The following DPF3 variants were observed in gnomAD, a reference collection of about 807,000 sequenced individuals.
The protein encoded by DPF3 is double PHD fingers 3.
DPF3 carries 18 observed loss-of-function variants against 56.8 expected under a neutral mutation model. The observed-to-expected ratio is 0.32, with a 90% CI of 0.22 to 0.47. The LOEUF (loss-of-function observed/expected upper bound fraction) is 0.47. Ranked by LOEUF, DPF3 falls within the 20% of genes least tolerant of loss-of-function variation. The pLI is 1.00. For missense variants in DPF3, 403 were observed against 488.8 expected, an observed-to-expected ratio of 0.82 and a Z score of 1.65; for synonymous variants, 188 against 180.2, an observed-to-expected ratio of 1.04 and a Z score of -0.35.
intron 1 of DPF3, among the ~76,000 whole-genome samples, chr14:72,810,850 A>C (rs1883014453): frequency 6.6e-6 from 1 of 152,232 alleles, no homozygotes; most frequent in Non-Finnish European, 1.5e-5. Context: ...ATGAAGTCAC[A>C]CTGGAATAGA....
At chr14:72,723,833 A>G (rs2286840) in intron 4 of DPF3, 105 bp from the exon 5 acceptor site, 1 of 1,175,828 alleles carries the variant, frequency 8.5e-7, no homozygotes, top group African/African-American at 1.6e-5. Flanking sequence ...ATTTTTTAAC[A>G]AAGTGAAGAC....
intron 7 of DPF3, among the ~76,000 whole-genome samples, chr14:72,682,325 G>A (rs1887199545): frequency 1.3e-5 from 2 of 152,000 alleles, no homozygotes; most frequent in African/African-American, 4.8e-5. Context: ...CCAGTGTTTG[G>A]TGATATGGGT....
At position 72,612,866 on chromosome 14, in the gene DPF3, G is replaced by A. The variant is rs911015299; in HGVS notation, c.*6431C>T. On this transcript the variant is annotated 3_prime_UTR_variant, in exon 11 of 11. Transcript: ENST00000556509. ...CCTTTGCAACCCTGGTGGCTGTGCA[G>A]AGGCTGAGAGCTGGAGGAGCAGGAC... 1.3e-5 allele frequency among the ~76,000 whole-genome samples: 2 copies of A among 152,222 alleles called. No homozygotes were observed. Among genetic ancestry groups the A allele is most frequent in the Non-Finnish European group, 2.9e-5 (2 of 68,040 alleles).
intron 1 of DPF3, among the ~76,000 whole-genome samples, chr14:72,827,769 T>TGC: frequency 6.6e-6 from 1 of 152,092 alleles, no homozygotes; most frequent in Non-Finnish European, 1.5e-5. Flanking sequence ...TGTGAGCCAC[T>TGC]GCGCCTGGCC....
At chr14:72,670,623 C>T (rs1024780700) in intron 8 of DPF3, 67 of 987,496 alleles carry the variant, frequency 6.8e-5, no homozygotes, top group Non-Finnish European at 7.7e-5. Context: ...GCTTCGATTT[C>T]TTTGATTTCC....
At position 72,609,369 on chromosome 14, in the gene DPF3, C is replaced by T. The variant is rs1000533132; in HGVS notation, c.*9928G>A. On this transcript the variant is annotated 3_prime_UTR_variant, in exon 11 of 11. Transcript: ENST00000556509. ...AGTCTTCTGAATGAAGAGTGAGTCC[C>T]GGGTCAGGAGTCCACATCAGGTGTG... Among the ~76,000 whole-genome samples, 1 of 152,136 alleles carries T rather than the reference C, an allele frequency of 6.6e-6. No individual in the cohort carries two copies. The highest frequency in any genetic ancestry group is 2.4e-5 in the African/African-American group (1 of 41,422).
chr14:72,839,182 A>G (rs1884447416), intron 1 of DPF3, among the ~76,000 whole-genome samples: 2 of 151,850 alleles, frequency 1.3e-5, no homozygotes, highest in African/African-American at 4.8e-5. Context: ...CAGCCTCCCA[A>G]AGAGCTGGGA....
intron 1 of DPF3, among the ~76,000 whole-genome samples, chr14:72,820,270 T>C (rs1206455851): frequency 1.3e-5 from 2 of 152,106 alleles, no homozygotes; most frequent in African/African-American, 4.8e-5. Context: ...TGCAAATTGA[T>C]ATAAAAAGCA....
intron 8 of DPF3, among the ~76,000 whole-genome samples, chr14:72,673,858 G>C (rs1415589880): frequency 1.3e-5 from 2 of 152,132 alleles, no homozygotes; most frequent in Non-Finnish European, 2.9e-5. Context: ...GTTTGCCCTA[G>C]GCACTTCCAC....
At chr14:72,678,056 T>G (rs1886993882) in intron 7 of DPF3, among the ~76,000 whole-genome samples, 1 of 152,236 alleles carries the variant, frequency 6.6e-6, no homozygotes, top group Non-Finnish European at 1.5e-5. Flanking sequence ...TTATATATGT[T>G]ATTTCATTGA....
chr14:72,674,513 C>A, intron 7 of DPF3, 145 bp from the exon 8 acceptor site: 1 of 1,211,048 alleles, frequency 8.3e-7, no homozygotes, highest in Non-Finnish European at 1.1e-6. Context: ...GCTACGCTTT[C>A]TTTTGGATCC....
chr14:72,633,551 A>C (rs148880627), intron 8 of DPF3, among the ~76,000 whole-genome samples: 3 of 152,314 alleles, frequency 2.0e-5, no homozygotes, highest in African/African-American at 7.2e-5. Context: ...AACCAAAAGA[A>C]GAGGTTTCAA....
rs1440578618 is a variant in DPF3, at chr14:72,804,181, A to G, written c.33-32288T>C. Among the ~76,000 whole-genome samples, 6 of 40,436 alleles carry G rather than the reference A, an allele frequency of 1.5e-4. No individual in the cohort carries two copies. The African/African-American group carries it at 2.1e-3, about 14-fold the overall frequency. 26.5% of individuals were successfully genotyped at this position (40,436 alleles called of 152,430 possible). A position where few individuals can be genotyped will look rare whatever the true frequency, so the allele number is the denominator to read the frequency against. On this transcript the variant is annotated intron_variant, in intron 1 of 10. Transcript: ENST00000556509. Reference sequence around the variant, plus strand: ...TCAAGATCCAGCACTGCTTTCCAGGACACACACACACACACACACACACAC... The same window carrying G: ...TCAAGATCCAGCACTGCTTTCCAGGGCACACACACACACACACACACACAC...
At chr14:72,746,911 C>T (rs929369685) in intron 3 of DPF3, among the ~76,000 whole-genome samples, 2 of 152,246 alleles carry the variant, frequency 1.3e-5, no homozygotes, top group African/African-American at 2.4e-5. Context: ...CATGTTACGG[C>T]AGGCCCGACA....
intron 6 of DPF3, among the ~76,000 whole-genome samples, chr14:72,705,998 A>ATTCAC (rs777017296): frequency 6.6e-6 from 1 of 152,198 alleles, no homozygotes; most frequent in Non-Finnish European, 1.5e-5. Context: ...TCTAGCATTT[A>ATTCAC]TTCACTATGT....
rs1487324297 is a variant in DPF3, at chr14:72,838,898, C to CATATATATATATATATATATATAT, written c.32+55158_32+55159insATATATATATATATATATATATAT. Reference sequence around the variant, plus strand: ...GCAAATTATCTATCATATATATTATCATATATATTCTTTTTTTTTTTTTTT... The same window carrying CATATATATATATATATATATATAT: ...GCAAATTATCTATCATATATATTATCATATATATATATATATATATATATATATATATTCTTTTTTTTTTTTTTT... On this transcript the variant is annotated intron_variant, in intron 1 of 10. Transcript: ENST00000556509. Among the ~76,000 whole-genome samples the CATATATATATATATATATATATAT allele has an allele frequency of 4.4e-3, 357 of 80,518 alleles. 31 individuals carry two copies. Among genetic ancestry groups the CATATATATATATATATATATATAT allele is most frequent in the African/African-American group, 6.2e-3 (125 of 20,264 alleles). 52.8% of individuals were successfully genotyped at this position (80,518 alleles called of 152,430 possible). A position where few individuals can be genotyped will look rare whatever the true frequency, so the allele number is the denominator to read the frequency against.
At chr14:72,713,513 C>A (rs967174583) in intron 6 of DPF3, among the ~76,000 whole-genome samples, 3 of 152,228 alleles carry the variant, frequency 2.0e-5, no homozygotes. Context: ...CAGGGTCCAG[C>A]CTCGACTGTT....
At chr14:72,892,087 GC>G in intron 1 of DPF3, 1 of 1,359,774 alleles carries the variant, frequency 7.4e-7, no homozygotes, top group Non-Finnish European at 9.6e-7. Context: ...TACTGCGCCC[GC>G]CCGCGCGAAA....
intron 8 of DPF3, among the ~76,000 whole-genome samples, chr14:72,664,922 C>T (rs563535572): frequency 1.3e-5 from 2 of 152,258 alleles, no homozygotes; most frequent in Non-Finnish European, 1.5e-5. Context: ...AGCACAGGAG[C>T]GGCAGGAACA....
Sources: gnomAD v4.1 joint callset for allele counts (sites outside exome capture counted in the v4.1 genomes callset) on GRCh38, gnomAD v4.1.1 for gene constraint, MANE v1.5 for transcripts, NCBI Gene and HGNC (gene_info 2026-07-23, HGNC 2026-07-21) for gene names.